CTNNA2: variants seen among roughly 807,000 people sequenced by gnomAD.
CTNNA2 encodes the protein catenin alpha 2, also known as catenin alpha-2.
A neutral mutation model predicts 101.0 loss-of-function variants in CTNNA2; 42 were observed. The ratio of observed to expected loss-of-function variants is 0.42; its 90% CI spans 0.32 to 0.54. The LOEUF (loss-of-function observed/expected upper bound fraction) is 0.54. Among genes scored for constraint, CTNNA2 ranks in the 20% least tolerant of loss-of-function variants. The pLI, the probability that CTNNA2 is intolerant of heterozygous loss-of-function variation, is 0.14. For missense variants in CTNNA2, 871 were observed against 1,223.1 expected, an observed-to-expected ratio of 0.71 and a Z score of 4.29; for synonymous variants, 450 against 456.4, an observed-to-expected ratio of 0.99 and a Z score of 0.18.
chr2:79,393,498 C>T (rs749105742), intron 4 of CTNNA2, among the ~76,000 whole-genome samples: 4 of 152,026 alleles, frequency 2.6e-5, no homozygotes, highest in Non-Finnish European at 4.4e-5. Context: ...ACTGTATAAC[C>T]ACAAAGTCTA....
At chr2:80,267,292 C>A (rs1673074327) in intron 7 of CTNNA2, among the ~76,000 whole-genome samples, 1 of 152,024 alleles carries the variant, frequency 6.6e-6, no homozygotes, top group African/African-American at 2.4e-5. Flanking sequence ...CTATGAACAG[C>A]ATTCAGAGAA....
chr2:79,638,409 A>T (rs764388108), intron 1 of CTNNA2, among the ~76,000 whole-genome samples: 1 of 152,226 alleles, frequency 6.6e-6, no homozygotes, highest in Non-Finnish European at 1.5e-5. Context: ...GCTTAATAAG[A>T]TGATTTACTA....
In CTNNA2 at chr2:79,227,700, CTA is replaced by C. The variant is rs199596957; in HGVS notation, c.-406+29626_-406+29627del. Among the ~76,000 whole-genome samples, 1,366 of 152,252 alleles carry C rather than the reference CTA, an allele frequency of 9.0e-3. 4 individuals are homozygous for C. Among genetic ancestry groups the C allele is most frequent in the Admixed American group, 0.017 (261 of 15,288 alleles). ...TAATACATATTTTAATTAAAATACT[CTA>C]TTGCTAAAAATGCTAATGATCATCT... On this transcript the variant is annotated intron_variant, in intron 2 of 21. Transcript: ENST00000466387.
At chr2:79,676,496 A>G (rs1683192851) in intron 2 of CTNNA2, among the ~76,000 whole-genome samples, 1 of 152,166 alleles carries the variant, frequency 6.6e-6, no homozygotes, top group African/African-American at 2.4e-5. Context: ...CATGGAGCAC[A>G]TGTATATCCA....
At chr2:79,254,834 A>G (rs896886370) in intron 2 of CTNNA2, among the ~76,000 whole-genome samples, 1 of 152,208 alleles carries the variant, frequency 6.6e-6, no homozygotes, top group Admixed American at 6.5e-5. Flanking sequence ...AAGATATCCT[A>G]CCTTTATTAA....
intron 2 of CTNNA2, among the ~76,000 whole-genome samples, chr2:79,273,726 A>G (rs1206544378): frequency 1.3e-5 from 2 of 152,026 alleles, no homozygotes; most frequent in African/African-American, 4.8e-5. Context: ...TTATTTTCAC[A>G]TTGAAAATTA....
intron 1 of CTNNA2, among the ~76,000 whole-genome samples, chr2:79,588,269 T>C (rs573920343): frequency 2.3e-4 from 35 of 152,244 alleles, no homozygotes; most frequent in Non-Finnish European, 4.1e-4. Context: ...GAGTCATTAC[T>C]ACCTCTGAAC....
intron 3 of CTNNA2, among the ~76,000 whole-genome samples, chr2:79,814,638 CAT>C (rs1553472821): frequency 4.7e-4 from 69 of 147,060 alleles, no homozygotes; most frequent in Admixed American, 1.4e-3. Flanking sequence ...CACACACACA[CAT>C]ATATATATAT....
chr2:79,655,807 C>T (rs897620912), intron 2 of CTNNA2, among the ~76,000 whole-genome samples: 33 of 147,394 alleles, frequency 2.2e-4, no homozygotes, highest in East Asian at 6.3e-4. Context: ...CTAACCTGGG[C>T]GACAGAGCGA....
intron 1 of CTNNA2, among the ~76,000 whole-genome samples, chr2:79,643,500 G>T (rs1680596051): frequency 6.6e-6 from 1 of 152,178 alleles, no homozygotes; most frequent in Non-Finnish European, 1.5e-5. Context: ...CCCGGAATTT[G>T]TGTGTTAGCA....
chr2:80,407,165 T>C (rs1679146169), intron 8 of CTNNA2, among the ~76,000 whole-genome samples: 2 of 151,848 alleles, frequency 1.3e-5, no homozygotes, highest in African/African-American at 4.9e-5. Context: ...CTTTGCTTTC[T>C]AGCAGAGTAT....
At chr2:79,233,830 G>T (rs2104243254) in intron 2 of CTNNA2, among the ~76,000 whole-genome samples, 1 of 151,938 alleles carries the variant, frequency 6.6e-6, no homozygotes, top group Non-Finnish European at 1.5e-5. Context: ...TCTGATTATT[G>T]TTGGTTTAAA....
intron 2 of CTNNA2, among the ~76,000 whole-genome samples, chr2:79,725,019 C>T (rs1686741661): frequency 6.6e-6 from 1 of 151,874 alleles, no homozygotes. Flanking sequence ...AAGCCTTGGT[C>T]CAGCACTCTC....
intron 7 of CTNNA2, among the ~76,000 whole-genome samples, chr2:80,231,291 C>T (rs1319941071): frequency 6.6e-6 from 1 of 152,028 alleles, no homozygotes; most frequent in African/African-American, 2.4e-5. Flanking sequence ...CCGGCCTGTT[C>T]CTGGTGTTTG....
chr2:80,491,370 C>G (rs570238052), intron 9 of CTNNA2, among the ~76,000 whole-genome samples: 1 of 152,138 alleles, frequency 6.6e-6, no homozygotes, highest in Non-Finnish European at 1.5e-5. Flanking sequence ...GCATGATCAC[C>G]GTCTTTGAAG....
chr2:80,097,711 A>G (rs1487635026), intron 7 of CTNNA2, among the ~76,000 whole-genome samples: 3 of 151,866 alleles, frequency 2.0e-5, no homozygotes, highest in African/African-American at 7.3e-5. Context: ...ATTTCTTTTT[A>G]TTGTTTTTTC....
intron 3 of CTNNA2, among the ~76,000 whole-genome samples, chr2:79,816,051 G>T (rs567398753): frequency 6.6e-6 from 1 of 151,842 alleles, no homozygotes; most frequent in African/African-American, 2.4e-5. Context: ...TTGATTCTCT[G>T]CTTGGTCGCT....
At chr2:79,259,649 A>G (rs1674894580) in intron 2 of CTNNA2, among the ~76,000 whole-genome samples, 1 of 152,164 alleles carries the variant, frequency 6.6e-6, no homozygotes, top group Non-Finnish European at 1.5e-5. Context: ...GGTGGAGGGC[A>G]CAGAGCATGA....
chr2:80,015,620 C>T (rs886152915), intron 7 of CTNNA2, among the ~76,000 whole-genome samples: 5 of 152,146 alleles, frequency 3.3e-5, no homozygotes, highest in African/African-American at 1.2e-4. Context: ...TACTAGCTCT[C>T]CCCCTCCACC....
Sources: allele counts gnomAD v4.1 joint callset (sites outside exome capture counted in the v4.1 genomes callset), GRCh38; gene constraint gnomAD v4.1.1; transcripts MANE v1.5; gene names NCBI Gene and HGNC (gene_info 2026-07-23, HGNC 2026-07-21).